FMO2: variants seen among roughly 807,000 people sequenced by gnomAD.
The protein encoded by FMO2 is flavin containing dimethylaniline monoxygenase 2.
In FMO2, 33 loss-of-function variants were observed where a neutral mutation model predicts 41.6. That is an observed-to-expected ratio of 0.79 (90% CI 0.60 to 1.06). The LOEUF is 1.06. FMO2 is among the 50% of genes least tolerant of loss of function. FMO2 has a pLI of 0.00. For missense variants in FMO2, 619 were observed against 632.9 expected (o/e 0.98, Z 0.23); for synonymous variants, 214 against 219.6 (o/e 0.97, Z 0.23).
chr1:171,191,879 A>T (rs76198413), intron 2 of FMO2, among the ~76,000 whole-genome samples: 1 of 148,016 alleles, frequency 6.8e-6, no homozygotes, highest in Non-Finnish European at 1.5e-5. Context: ...AAAAAAAAAA[A>T]ATACAAAAAA....
chr1:171,198,944 C>T (rs7539549), intron 4 of FMO2, among the ~76,000 whole-genome samples: 60,665 of 151,666 alleles, frequency 0.4, 12,953 homozygotes, highest in East Asian at 0.56. Flanking sequence ...ACTCTGTCAC[C>T]CAGACTGGAG....
At chr1:171,208,491 C>T (rs1200079004) in intron 8 of FMO2, among the ~76,000 whole-genome samples, 3 of 152,134 alleles carry the variant, frequency 2.0e-5, no homozygotes, top group Admixed American at 1.3e-4. Context: ...TTCCTGCAGC[C>T]GCCCTGGCTA....
intron 2 of FMO2, among the ~76,000 whole-genome samples, chr1:171,192,826 C>T (rs534540279): frequency 6.7e-6 from 1 of 149,742 alleles, no homozygotes; most frequent in East Asian, 2.0e-4. Flanking sequence ...TATAGCTTGA[C>T]AATGATTGAT....
intron 1 of FMO2, 138 bp downstream of exon 1, chr1:171,185,497 G>T (rs755165390): frequency 4.4e-5 from 20 of 454,724 alleles, no homozygotes; most frequent in Non-Finnish European, 5.5e-5. Flanking sequence ...AAAGCTAGAT[G>T]TAAGCAAGGT....
intron 3 of FMO2, 51 bp from the exon 4 acceptor site, chr1:171,196,598 A>C (rs2101993156): frequency 6.4e-7 from 1 of 1,560,998 alleles, no homozygotes; most frequent in Non-Finnish European, 8.8e-7. Flanking sequence ...ACACTTGGCC[A>C]ATGTTATCCT....
At chr1:171,185,610 C>A in intron 1 of FMO2, 98 bp from the exon 2 acceptor site, 1 of 1,200,820 alleles carries the variant, frequency 8.3e-7, no homozygotes, top group South Asian at 1.4e-5. Flanking sequence ...TAAATTACCA[C>A]TGCTACAATG....
chr1:171,198,775 A>G (rs1343214958), intron 4 of FMO2, among the ~76,000 whole-genome samples: 2 of 152,210 alleles, frequency 1.3e-5, no homozygotes, highest in Non-Finnish European at 2.9e-5. Context: ...ATAGGCAGGC[A>G]GAAGACAGTA....
chr1:171,205,485 T>C lies in FMO2; in HGVS notation c.1034T>C (p.Val345Ala). The part of the protein sequence containing the change: ...FPFLEDSLVK[V>A]ENNMVSLYKY... Reference sequence around the variant, plus strand: ...TTCCTTGAAGATTCACTCGTTAAAGTAGAGAATAATATGGTCTCACTGTAT... The same window carrying C: ...TTCCTTGAAGATTCACTCGTTAAAGCAGAGAATAATATGGTCTCACTGTAT... Residue 345 changes from valine to alanine, a missense_variant, in exon 7 of 9, where the codon GTA becomes GCA. By Grantham distance (64) the Val-to-Ala change is moderately conservative. Transcript: ENST00000209929. 6.2e-7 allele frequency: 1 copy of C among 1,613,736 alleles called. No individual in the cohort carries two copies. Among genetic ancestry groups the C allele is most frequent in the Non-Finnish European group, 8.5e-7 (1 of 1,179,736 alleles).
chr1:171,198,171 C>T (rs1056537136), intron 4 of FMO2, among the ~76,000 whole-genome samples: 1 of 151,998 alleles, frequency 6.6e-6, no homozygotes, highest in African/African-American at 2.4e-5. Context: ...CATGTGTTTC[C>T]GTGAAGTGTA....
intron 2 of FMO2, among the ~76,000 whole-genome samples, chr1:171,192,765 CAAAAA>C (rs71561558): frequency 0.13 from 14,271 of 111,350 alleles, 701 homozygotes; most frequent in Non-Finnish European, 0.17. Flanking sequence ...GACTCTGTCT[CAAAAA>C]AAAAAAAAAA....
chr1:171,189,019 G>T (rs1657967260), intron 2 of FMO2: 1 of 152,110 alleles, frequency 6.6e-6, no homozygotes, highest in South Asian at 2.1e-4. Context: ...ACAGTTTTCA[G>T]ATAAAGAATT....
intron 5 of FMO2, among the ~76,000 whole-genome samples, chr1:171,203,516 C>T (rs781242722): frequency 1.1e-4 from 16 of 152,022 alleles, no homozygotes; most frequent in Non-Finnish European, 1.5e-4. Context: ...ATAGAAGAAA[C>T]TTAGGTGAGT....
intron 5 of FMO2, among the ~76,000 whole-genome samples, chr1:171,199,887 T>C (rs1658464481): frequency 6.6e-6 from 1 of 152,078 alleles, no homozygotes; most frequent in Non-Finnish European, 1.5e-5. Flanking sequence ...CAGCTAATTT[T>C]CATATATTTG....
At position 171,192,765 on chromosome 1, in the gene FMO2, CA is replaced by C. The variant is rs71561558; in HGVS notation, c.133-548del. Among the ~76,000 whole-genome samples, 773 of 111,510 alleles carry C rather than the reference CA, an allele frequency of 6.9e-3. 2 individuals are homozygous for C. Among genetic ancestry groups the C allele is most frequent in the Non-Finnish European group, 0.011 (545 of 50,470 alleles). 73.2% of individuals were successfully genotyped at this position (111,510 alleles called of 152,430 possible). On this transcript the variant is annotated intron_variant, in intron 2 of 8. Transcript: ENST00000209929. ...TGGGTGACAGAGCGAGACTCTGTCTCAAAAAAAAAAAAAAAAAAAAAAGATT... is the reference window on the plus strand; with the variant it reads ...TGGGTGACAGAGCGAGACTCTGTCTCAAAAAAAAAAAAAAAAAAAAAGATT...
At chr1:171,191,374 A>T (rs565635007) in intron 2 of FMO2, among the ~76,000 whole-genome samples, 1 of 152,302 alleles carries the variant, frequency 6.6e-6, no homozygotes, top group East Asian at 1.9e-4. Context: ...TGGGTCTTTT[A>T]AAAACTAGCA....
Position 171,208,969 on chromosome 1 carries a change from C to G in FMO2, c.1432C>G (p.Pro478Ala). 6.2e-7 allele frequency: 1 copy of G among 1,607,552 alleles called. No individual in the cohort carries two copies. The highest frequency in any genetic ancestry group is 1.1e-5 in the South Asian group (1 of 90,104). Residue 478 changes from proline (P) to alanine (A), a missense_variant, in exon 9 of 9, where the codon CCT becomes GCT. Physicochemically the swap from Pro to Ala is conservative, Grantham distance 27. Coordinates refer to ENST00000209929, the MANE Select transcript of FMO2 (RefSeq NM_001460.5). ...CTCCTATCAGTATCGCCTGGTTGGG[C>G]CTGGGCAATGGGAAGGAGCCAGAAA... is the stretch of plus-strand genomic sequence containing the variant. ...CNSYQYRLVG[P>A]GQWEGARNAI... is the part of the protein sequence containing the mutation.
Position 171,209,111 on chromosome 1 carries a change from T to C in FMO2, c.1574T>C (p.Val525Ala), listed in dbSNP as rs1658878573. 5.2e-6 allele frequency: 4 copies of C among 775,758 alleles called. No individual in the cohort carries two copies. The highest frequency in any genetic ancestry group is 1.8e-5 in the African/African-American group (1 of 56,420). 48.1% of individuals were successfully genotyped at this position (775,758 alleles called of 1,614,324 possible). ...AAAATCCTGGGCCTTCTTGCTGTTGTTGTGGCCTTTTTTTGCCAACTTCAA... is the reference window on the plus strand; with the variant it reads ...AAAATCCTGGGCCTTCTTGCTGTTGCTGTGGCCTTTTTTTGCCAACTTCAA... ...LLKILGLLAV[V>A]VAFFCQLQWS The change falls in exon 9 of 9, where the codon GTT becomes GCT. Residue 525 changes from valine (V) to alanine (A), a missense_variant. Physicochemically the swap from Val to Ala is moderately conservative, Grantham distance 64. Transcript: ENST00000209929.
intron 2 of FMO2, among the ~76,000 whole-genome samples, chr1:171,188,154 T>A (rs150660490): frequency 6.6e-6 from 1 of 150,532 alleles, no homozygotes; most frequent in East Asian, 2.0e-4. Flanking sequence ...TCCCCCAGTA[T>A]ACCAAAATCC....
intron 2 of FMO2, 145 bp downstream of exon 2, chr1:171,185,990 G>A: frequency 1.1e-6 from 1 of 885,966 alleles, no homozygotes; most frequent in Non-Finnish European, 1.7e-6. Context: ...TAATGGAACT[G>A]AAGTCATAGG....
Sources: gnomAD v4.1 joint callset for allele counts (sites outside exome capture counted in the v4.1 genomes callset) on GRCh38, gnomAD v4.1.1 for gene constraint, MANE v1.5 for transcripts, NCBI Gene and HGNC (gene_info 2026-07-23, HGNC 2026-07-21) for gene names.